Variants in ILKAP observed in about 807,000 individuals in gnomAD.
ILKAP encodes ILK associated serine/threonine phosphatase.
In ILKAP, 11 loss-of-function variants were observed where a neutral mutation model predicts 49.1. That is an observed-to-expected ratio of 0.22 (90% confidence interval 0.14 to 0.37). ILKAP has a LOEUF of 0.37. Among genes scored for constraint, ILKAP ranks in the 10% least tolerant of loss-of-function variants. The pLI is 1.00. For synonymous variants in ILKAP, 186 were observed against 192.8 expected (o/e 0.96, Z 0.29); for missense variants, 363 against 510.8 (o/e 0.71, Z 2.79).
At position 238,203,654 on chromosome 2, in the gene ILKAP, G is replaced by C. The variant is rs1194315963; in HGVS notation, c.-101C>G. 26 of 621,102 alleles carry C rather than the reference G, an allele frequency of 4.2e-5. No individual in the cohort carries two copies. The highest frequency in any genetic ancestry group is 6.1e-4 in the Middle Eastern group (1 of 1,638). The allele number at this position is 621,102 out of a possible 1,614,324, so 38.5% of individuals were successfully genotyped here. On this transcript the variant is annotated 5_prime_UTR_variant, in exon 1 of 12. Coordinates refer to ENST00000254654, the MANE Select transcript of ILKAP (RefSeq NM_030768.3). ...CGGGCGGCAGCAGCGGGCGGGCGAC[G>C]GGCAGGGGCGGCCGGCGCCGTCAGT...
intron 1 of ILKAP, among the ~76,000 whole-genome samples, chr2:238,203,114 G>A (rs1267838865): frequency 6.6e-6 from 1 of 151,546 alleles, no homozygotes; most frequent in Non-Finnish European, 1.5e-5. Context: ...CGACGCGCAA[G>A]GCAGCCCAGG....
intron 6 of ILKAP, 127 bp downstream of exon 6, chr2:238,185,054 C>G: frequency 1.6e-6 from 1 of 635,864 alleles, no homozygotes; most frequent in South Asian, 2.0e-5. Context: ...CACTCCTCAG[C>G]ACCACTCTTT....
rs1010751554 is a variant in ILKAP at position 238,173,634 on chromosome 2, C to A, written c.856G>T (p.Val286Leu). The change falls in exon 10 of 12, where the codon GTG (valine) becomes TTG (leucine). Residue 286 changes from valine (V) to leucine (L), a missense_variant. Around this residue, in one of 3 missense-constraint regions of ILKAP, gnomAD observed 166 missense variants for 307.3 expected, o/e 0.54. Coordinates refer to ENST00000254654, the MANE Select transcript of ILKAP (RefSeq NM_030768.3). ...GNVRDGRVLG[V>L]LEVSRSIGDG... is the part of the protein sequence containing the mutation. Reference sequence around the variant, plus strand: ...CCAATGGAGCGTGACACCTCTAGCACGCCCAAAACACGCCCATCCCTAAAA... The same window carrying A: ...CCAATGGAGCGTGACACCTCTAGCAAGCCCAAAACACGCCCATCCCTAAAA... The A allele has an allele frequency of 1.2e-6, 2 of 1,613,800 alleles. No homozygotes were observed. Among genetic ancestry groups the A allele is most frequent in the Admixed American group, 3.3e-5 (2 of 60,004 alleles).
intron 9 of ILKAP, among the ~76,000 whole-genome samples, chr2:238,178,098 C>T (rs1052868818): frequency 6.6e-6 from 1 of 152,170 alleles, no homozygotes; most frequent in Non-Finnish European, 1.5e-5. Context: ...ACAGTTATTT[C>T]ACTTTTGCGC....
chr2:238,170,897 T>G, intron 11 of ILKAP, 46 bp downstream of exon 11: 4 of 1,561,458 alleles, frequency 2.6e-6, no homozygotes, highest in Non-Finnish European at 3.5e-6. Flanking sequence ...CTCTGAAAAC[T>G]AAGACACAAT....
chr2:238,182,873 G>A (rs1693753763), intron 8 of ILKAP, among the ~76,000 whole-genome samples: 1 of 152,184 alleles, frequency 6.6e-6, no homozygotes, highest in Non-Finnish European at 1.5e-5. Flanking sequence ...GGCAGGGGCT[G>A]TCATCTGTTA....
At chr2:238,182,019 GC>G in intron 9 of ILKAP, 45 bp downstream of exon 9, 1 of 1,607,510 alleles carries the variant, frequency 6.2e-7, no homozygotes, top group Admixed American at 1.7e-5. Flanking sequence ...CCCTTCTACA[GC>G]TAACAGCCCT....
intron 10 of ILKAP, among the ~76,000 whole-genome samples, chr2:238,173,275 C>A (rs2106325580): frequency 6.6e-6 from 1 of 152,158 alleles, no homozygotes; most frequent in East Asian, 1.9e-4. Context: ...ACAGGGATAA[C>A]CCCTTCCCCT....
At chr2:238,174,073 C>A (rs1014472132) in intron 9 of ILKAP, 4 of 174,872 alleles carry the variant, frequency 2.3e-5, no homozygotes, top group Admixed American at 1.2e-4. Flanking sequence ...ATAGCTAGAA[C>A]AGAGGGATAT....
intron 10 of ILKAP, among the ~76,000 whole-genome samples, chr2:238,171,364 T>C (rs1693213241): frequency 6.6e-6 from 1 of 152,114 alleles, no homozygotes; most frequent in Non-Finnish European, 1.5e-5. Context: ...TTTCACCACG[T>C]TGGCCAGGCT....
At chr2:238,192,965 ATTGTGCCAC>A (rs1419854815) in intron 3 of ILKAP, among the ~76,000 whole-genome samples, 1 of 151,994 alleles carries the variant, frequency 6.6e-6, no homozygotes, top group African/African-American at 2.4e-5. Flanking sequence ...GTGAGCCAAG[ATTGTGCCAC>A]TGCACTCCAG....
At chr2:238,175,272 A>G in intron 9 of ILKAP, among the ~76,000 whole-genome samples, 1 of 151,816 alleles carries the variant, frequency 6.6e-6, no homozygotes, top group Non-Finnish European at 1.5e-5. Flanking sequence ...ATAAAAAAAA[A>G]ATTTTTTTTG....
chr2:238,172,067 G>T (rs980354471), intron 10 of ILKAP, among the ~76,000 whole-genome samples: 11 of 151,734 alleles, frequency 7.2e-5, no homozygotes, highest in African/African-American at 2.7e-4. Flanking sequence ...TGCTGTTGTT[G>T]TTGAGGCGGA....
intron 4 of ILKAP, chr2:238,188,459 G>A (rs998895241): frequency 1.0e-4 from 57 of 557,166 alleles, no homozygotes; most frequent in Non-Finnish European, 1.3e-4. Flanking sequence ...GACAGGGTGA[G>A]CTCTAAGAGG....
intron 1 of ILKAP, among the ~76,000 whole-genome samples, chr2:238,196,043 CAAAA>C (rs71043116): frequency 4.4e-5 from 3 of 67,868 alleles, no homozygotes; most frequent in Non-Finnish European, 7.3e-5. Flanking sequence ...GACTCTGTCA[CAAAA>C]AAAAAAAAAA....
intron 6 of ILKAP, among the ~76,000 whole-genome samples, chr2:238,184,704 G>A (rs1463459122): frequency 6.7e-6 from 1 of 150,068 alleles, no homozygotes; most frequent in Non-Finnish European, 1.5e-5. Flanking sequence ...GGGACCACAG[G>A]CACATACCAC....
Position 238,172,557 on chromosome 2 carries a change from G to T in ILKAP, c.956+977C>A, listed in dbSNP as rs1465894971. Among the ~76,000 whole-genome samples the T allele has an allele frequency of 2.0e-5, 3 of 152,248 alleles. No individual in the cohort carries two copies. In the East Asian group the frequency reaches 5.8e-4, roughly 29 times the overall value. On this transcript the variant is annotated intron_variant, in intron 10 of 11. Coordinates refer to ENST00000254654, the MANE Select transcript of ILKAP (RefSeq NM_030768.3). ...AGCAAAGCAGAAGGTGCATCCTTCA[G>T]AACACCAGAGGCGGCGGCTGCTGGA...
chr2:238,175,855 G>C (rs1037048506), intron 9 of ILKAP, among the ~76,000 whole-genome samples: 7 of 151,524 alleles, frequency 4.6e-5, no homozygotes, highest in Non-Finnish European at 1.0e-4. Context: ...AGACATGGTG[G>C]CGCATTATAG....
chr2:238,191,565 T>C (rs1207144330), intron 3 of ILKAP, among the ~76,000 whole-genome samples: 2 of 152,240 alleles, frequency 1.3e-5, no homozygotes, highest in Non-Finnish European at 2.9e-5. Context: ...GCTTACTGTA[T>C]GGGTTCCAGT....
Sources: gnomAD v4.1 joint callset for allele counts (sites outside exome capture counted in the v4.1 genomes callset) on GRCh38, gnomAD v4.1.1 for gene constraint, gnomAD v4.1.1 regional missense constraint, MANE v1.5 for transcripts, NCBI Gene and HGNC (gene_info 2026-07-23, HGNC 2026-07-21) for gene names.